The following MYO10 variants were observed in gnomAD, a reference collection of about 807,000 sequenced individuals.
The protein encoded by MYO10 is myosin X.
MYO10 carries 133 observed loss-of-function variants against 257.3 expected under a neutral mutation model. The ratio of observed to expected loss-of-function variants is 0.52; its 90% CI spans 0.45 to 0.60. The LOEUF (loss-of-function observed/expected upper bound fraction) is 0.60, where lower values mean the gene tolerates loss of function less well. Ranked by LOEUF, MYO10 falls within the 20% of genes least tolerant of loss-of-function variation. The pLI is 0.00. For synonymous variants in MYO10, 1,104 were observed against 1,028.6 expected, an observed-to-expected ratio of 1.07 and a Z score of -1.40; for missense variants, 2,399 against 2,635.7, an observed-to-expected ratio of 0.91 and a Z score of 1.97.
chr5:16,865,348 G>A (rs997911907), intron 2 of MYO10, among the ~76,000 whole-genome samples: 12 of 152,074 alleles, frequency 7.9e-5, no homozygotes, highest in African/African-American at 1.9e-4. Flanking sequence ...AGGGCTCAGC[G>A]GTCTGGCATC....
chr5:16,697,630 G>A (rs1044110582), intron 26 of MYO10, among the ~76,000 whole-genome samples: 6 of 152,020 alleles, frequency 3.9e-5, no homozygotes, highest in African/African-American at 7.2e-5. Context: ...CCCCGGGGGT[G>A]GAGGCTGCAG....
In MYO10 at chr5:16,766,190, T is replaced by C; in HGVS notation, c.1069A>G (p.Arg357Gly). 6.2e-7 allele frequency: 1 copy of C among 1,612,114 alleles called. No homozygotes were observed. Among genetic ancestry groups the C allele is most frequent in the Non-Finnish European group, 8.5e-7 (1 of 1,178,428 alleles). The change falls in exon 11 of 41, where the codon AGA (arginine) becomes GGA (glycine). Residue 357 changes from arginine to glycine, a missense_variant. Arg to Gly is a moderately radical substitution (Grantham distance 125, BLOSUM62 -2). This residue lies in a region of MYO10 where 337 missense variants were observed against 446.8 expected (regional missense o/e 0.75). Coordinates refer to ENST00000513610, the MANE Select transcript of MYO10 (RefSeq NM_012334.3). The part of the protein sequence containing the change: ...AQVSFKTALG[R>G]SAELLGLDPT... ...TCCAGCCCAAGTAACTCCGCAGATC[T>C]GCCCAAAGCTGCAGAGAATAAGACA...
chr5:16,772,010 GA>G (rs1305963496), intron 9 of MYO10, among the ~76,000 whole-genome samples: 5 of 150,230 alleles, frequency 3.3e-5, no homozygotes, highest in African/African-American at 4.9e-5. Flanking sequence ...TTCAAGAAAA[GA>G]AAAAAAACCT....
chr5:16,729,257 G>C (rs1342027975), intron 19 of MYO10, among the ~76,000 whole-genome samples: 1 of 152,144 alleles, frequency 6.6e-6, no homozygotes, highest in Non-Finnish European at 1.5e-5. Context: ...TTAACATCAA[G>C]TCAGACTCAA....
In MYO10 at chr5:16,893,589, G is replaced by A. The variant is rs142094398; in HGVS notation, c.22-15882C>T. Among the ~76,000 whole-genome samples, 870 of 145,558 alleles carry A rather than the reference G, an allele frequency of 6.0e-3. 12 individuals are homozygous for A. Among genetic ancestry groups the A allele is most frequent in the African/African-American group, 0.022 (829 of 37,666 alleles). On this transcript the variant is annotated intron_variant, in intron 1 of 40. Coordinates refer to ENST00000513610, the MANE Select transcript of MYO10 (RefSeq NM_012334.3). ...GCAGAGGTTGCGGTGAGCTGAGATC[G>A]TGCCACCACACTCCAGCCTGGGTGA...
rs947486222 is a variant in MYO10, at chr5:16,679,951, A to G, written c.4538T>C (p.Ile1513Thr). 4 of 1,613,532 alleles carry G rather than the reference A, an allele frequency of 2.5e-6. No homozygotes were observed. Among genetic ancestry groups the G allele is most frequent in the Admixed American group, 1.7e-5 (1 of 59,974 alleles). ...DTPTQQLIQD[I>T]KENCLNSDVV... The stretch of plus-strand genomic sequence containing the variant: ...GATGGGCTTGTCTTGGCTTACCTTG[A>G]TATCTTGAATCAGCTGCTGGGTGGG... Residue 1513 changes from isoleucine (I) to threonine (T), a missense_variant, in exon 33 of 41, where the codon ATC becomes ACC. Ile to Thr is a moderately conservative substitution (Grantham distance 89). Around this residue, in one of 3 missense-constraint regions of MYO10, gnomAD observed 1,820 missense variants for 1,939.4 expected, o/e 0.94. Coordinates refer to ENST00000513610, the MANE Select transcript of MYO10 (RefSeq NM_012334.3).
chr5:16,785,317 A>G (rs143487961), intron 4 of MYO10, among the ~76,000 whole-genome samples: 3 of 152,358 alleles, frequency 2.0e-5, no homozygotes, highest in Non-Finnish European at 4.4e-5. Context: ...CGGGGGAGGC[A>G]TTCAACAACA....
intron 4 of MYO10, among the ~76,000 whole-genome samples, chr5:16,785,670 G>C (rs767735472): frequency 1.8e-4 from 28 of 152,134 alleles, no homozygotes; most frequent in Non-Finnish European, 2.4e-4. Context: ...AGAAGTTTGA[G>C]ACCAGCCTGG....
intron 1 of MYO10, among the ~76,000 whole-genome samples, chr5:16,892,232 T>C (rs1483342666): frequency 1.3e-5 from 2 of 152,192 alleles, no homozygotes; most frequent in African/African-American, 4.8e-5. Context: ...CTTCTACCCA[T>C]AGCTCAGCAC....
chr5:16,924,825 T>C, intron 1 of MYO10, among the ~76,000 whole-genome samples: 1 of 137,040 alleles, frequency 7.3e-6, no homozygotes, highest in South Asian at 2.3e-4. Context: ...ACTATCACTT[T>C]ATCACTTTTT....
At chr5:16,686,968 C>T (rs1328711996) in intron 28 of MYO10, among the ~76,000 whole-genome samples, 1 of 152,140 alleles carries the variant, frequency 6.6e-6, no homozygotes, top group Non-Finnish European at 1.5e-5. Flanking sequence ...GACCAGAGAA[C>T]TCTTCCATCT....
chr5:16,682,719 TAAGAAA>T (rs1737062380), intron 30 of MYO10, among the ~76,000 whole-genome samples: 1 of 151,784 alleles, frequency 6.6e-6, no homozygotes, highest in African/African-American at 2.4e-5. Flanking sequence ...CACAAAAATT[TAAGAAA>T]AAGAGTAACT....
intron 9 of MYO10, among the ~76,000 whole-genome samples, chr5:16,770,256 T>C (rs995638112): frequency 6.6e-6 from 1 of 152,028 alleles, no homozygotes; most frequent in African/African-American, 2.4e-5. Context: ...AAGAAAAAAA[T>C]TAAATAAATG....
intron 9 of MYO10, among the ~76,000 whole-genome samples, chr5:16,777,721 AGAGT>A (rs1741261171): frequency 6.6e-6 from 1 of 151,378 alleles, no homozygotes; most frequent in Non-Finnish European, 1.5e-5. Context: ...AGGGTTGATG[AGAGT>A]GATTGGAAAG....
chr5:16,767,120 G>A (rs1017917617), intron 10 of MYO10, among the ~76,000 whole-genome samples: 2 of 150,816 alleles, frequency 1.3e-5, no homozygotes, highest in African/African-American at 2.4e-5. Flanking sequence ...CTACACATGA[G>A]GTACCTCAAC....
At chr5:16,877,506 T>C in intron 2 of MYO10, 103 bp downstream of exon 2, 1 of 802,782 alleles carries the variant, frequency 1.2e-6, no homozygotes, top group Non-Finnish European at 2.0e-6. Flanking sequence ...GAAAAAAATG[T>C]AAAGCGTGTG....
intron 2 of MYO10, among the ~76,000 whole-genome samples, chr5:16,869,932 AG>A (rs151213563): frequency 0.39 from 20,786 of 52,754 alleles, 1,783 homozygotes; most frequent in Admixed American, 0.48. Context: ...GGGAAGGGGG[AG>A]GGGGAGGGGG....
chr5:16,677,416 CT>C lies in MYO10; in HGVS notation c.4543-1263del, dbSNP rs796474728. Among the ~76,000 whole-genome samples the C allele has an allele frequency of 1.5e-3, 185 of 119,366 alleles. 1 individual carries two copies. Among genetic ancestry groups the C allele is most frequent in the East Asian group, 7.0e-3 (30 of 4,268 alleles). The allele number at this position is 119,366 out of a possible 152,430, so 78.3% of individuals were successfully genotyped here. On this transcript the variant is annotated intron_variant, in intron 33 of 40. Coordinates refer to ENST00000513610, the MANE Select transcript of MYO10 (RefSeq NM_012334.3). ...ATGGACTTATTTAGGGTAACTTGAC[CT>C]TTTTTTTTTTTTTTTTGAGACGGAG...
At position 16,666,753 on chromosome 5, in the gene MYO10, A is replaced by G; in HGVS notation, c.6116T>C (p.Met2039Thr). ...CGTGCTGTAGCGCTTCTTCACGATC[A>G]TGCTGATGTAGGCTTTCATGAGCTT... ...VAKLMKAYIS[M>T]IVKKRYSTTR... Residue 2039 changes from methionine (M) to threonine (T), a missense_variant, in exon 41 of 41, where the codon ATG becomes ACG. By Grantham distance (81) the Met-to-Thr change is moderately conservative. Transcript: ENST00000513610. 1 of 1,608,376 alleles carries G rather than the reference A, an allele frequency of 6.2e-7. No homozygotes were observed. The highest frequency in any genetic ancestry group is 8.5e-7 in the Non-Finnish European group (1 of 1,178,576).
Sources: gnomAD v4.1 joint callset for allele counts (sites outside exome capture counted in the v4.1 genomes callset) on GRCh38, gnomAD v4.1.1 for gene constraint, gnomAD v4.1.1 regional missense constraint, MANE v1.5 for transcripts, NCBI Gene and HGNC (gene_info 2026-07-23, HGNC 2026-07-21) for gene names.